Variants in KALRN observed in about 807,000 individuals in gnomAD.
The protein encoded by KALRN is kalirin RhoGEF kinase, also known as kalirin.
KALRN carries 70 observed loss-of-function variants against 353.7 expected under a neutral mutation model. The ratio of observed to expected loss-of-function variants is 0.20; its 90% confidence interval spans 0.16 to 0.24. KALRN has a LOEUF of 0.24. Among genes scored for constraint, KALRN ranks in the 10% least tolerant of loss-of-function variants. The pLI is 1.00. For synonymous variants in KALRN, 1,391 were observed against 1,434.8 expected, an observed-to-expected ratio of 0.97 and a Z score of 0.69; for missense variants, 2,791 against 3,756.7, an observed-to-expected ratio of 0.74 and a Z score of 6.72.
chr3:124,428,894 A>G (rs568618234), intron 15 of KALRN, among the ~76,000 whole-genome samples: 2 of 152,204 alleles, frequency 1.3e-5, no homozygotes, highest in Non-Finnish European at 2.9e-5. Context: ...ATTGTCCTAC[A>G]GACATTGATG....
At chr3:124,693,075 C>A (rs3772796) in intron 51 of KALRN, among the ~76,000 whole-genome samples, 51,813 of 152,092 alleles carry the variant, frequency 0.34, 9,767 homozygotes, top group Middle Eastern at 0.5. Flanking sequence ...CTTGAACCAG[C>A]CTTGTGACCA....
intron 3 of KALRN, among the ~76,000 whole-genome samples, chr3:124,236,927 G>A (rs1306708603): frequency 6.6e-6 from 1 of 152,232 alleles, no homozygotes; most frequent in East Asian, 1.9e-4. Context: ...CCTATTGCCA[G>A]TGGGAAGAAC....
Position 124,650,881 on chromosome 3 carries a change from C to G in KALRN, c.5738C>G (p.Pro1913Arg), listed in dbSNP as rs762353391. 1.2e-6 allele frequency: 2 copies of G among 1,614,180 alleles called. No homozygotes were observed. Among genetic ancestry groups the G allele is most frequent in the East Asian group, 4.5e-5 (2 of 44,882 alleles). Residue 1913 changes from proline to arginine, a missense_variant, in exon 38 of 60, where the codon CCC becomes CGC. This residue lies in a region of KALRN where 1,065 missense variants were observed against 1,156.4 expected (regional missense o/e 0.92). Coordinates refer to ENST00000682506, the MANE Select transcript of KALRN (RefSeq NM_001388419.1). Reference protein sequence around the residue: ...AGCLNEGMAPPTPPKNPEEEQ... With the variant: ...AGCLNEGMAPRTPPKNPEEEQ... ...TGCCTGAATGAGGGGATGGCCCCAC[C>G]CACACCTCCTAAAAACCCAGAAGAA...
At chr3:124,268,522 G>A (rs2148919887) in intron 4 of KALRN, 2 of 574,346 alleles carry the variant, frequency 3.5e-6, no homozygotes, top group South Asian at 2.2e-5. Context: ...ATGGCTGGCA[G>A]TTGTAGAGGC....
At chr3:124,674,711 A>T (rs1343289105) in intron 49 of KALRN, 97 bp downstream of exon 49, 2 of 1,271,346 alleles carry the variant, frequency 1.6e-6, no homozygotes, top group Non-Finnish European at 2.1e-6. Context: ...CATGGTAGGG[A>T]ATTACTACTG....
chr3:124,610,144 T>G (rs2077776509), intron 34 of KALRN, among the ~76,000 whole-genome samples: 1 of 152,212 alleles, frequency 6.6e-6, no homozygotes, highest in East Asian at 1.9e-4. Flanking sequence ...CCTGCCTTCA[T>G]GGAGCTTTTA....
chr3:124,688,325 A>AG (rs1486909733), intron 51 of KALRN, among the ~76,000 whole-genome samples: 1 of 151,672 alleles, frequency 6.6e-6, no homozygotes, highest in Admixed American at 6.6e-5. Flanking sequence ...AAAAAAAAAA[A>AG]AAAGAGCAGA....
At chr3:124,547,278 G>A (rs1043449162) in intron 33 of KALRN, among the ~76,000 whole-genome samples, 2 of 151,910 alleles carry the variant, frequency 1.3e-5, no homozygotes, top group Non-Finnish European at 2.9e-5. Flanking sequence ...GGGATTGTAG[G>A]TATAATCCAC....
chr3:124,351,746 A>G (rs1237206620), intron 10 of KALRN, among the ~76,000 whole-genome samples: 2 of 152,258 alleles, frequency 1.3e-5, no homozygotes, highest in Non-Finnish European at 2.9e-5. Context: ...TGAAGAATTT[A>G]TGTGGCAATC....
rs543452531 is a variant in KALRN, at chr3:124,439,476, C to T, written c.3198+439C>T. 3.3e-5 allele frequency among the ~76,000 whole-genome samples: 5 copies of T among 152,234 alleles called. No individual in the cohort carries two copies. The East Asian group carries it at 5.8e-4, about 18-fold the overall frequency. On this transcript the variant is annotated intron_variant, in intron 18 of 59. Coordinates refer to ENST00000682506, the MANE Select transcript of KALRN (RefSeq NM_001388419.1). ...TGTTGTTAACTGAGAAAAAGACATG[C>T]TTTCATTCAGTTGTGTTTGGCTAAT...
intron 1 of KALRN, among the ~76,000 whole-genome samples, chr3:124,037,652 G>T (rs899675574): frequency 6.6e-6 from 1 of 152,208 alleles, no homozygotes; most frequent in African/African-American, 2.4e-5. Context: ...CTGGAGGTGA[G>T]GGGGAGGAGC....
chr3:124,163,970 C>G (rs1350868175), intron 1 of KALRN: 16 of 985,338 alleles, frequency 1.6e-5, no homozygotes, highest in Non-Finnish European at 1.8e-5. Context: ...CTAACCTTTT[C>G]TGTGGTCATT....
intron 34 of KALRN, among the ~76,000 whole-genome samples, chr3:124,586,293 G>C (rs2075174898): frequency 1.3e-5 from 2 of 152,310 alleles, no homozygotes; most frequent in South Asian, 4.1e-4. Flanking sequence ...GGGTTCGCTC[G>C]AAGGCTGCCC....
intron 7 of KALRN, among the ~76,000 whole-genome samples, chr3:124,328,652 G>A (rs952864960): frequency 2.0e-5 from 3 of 152,190 alleles, no homozygotes; most frequent in African/African-American, 7.2e-5. Flanking sequence ...GTTACAAAAT[G>A]TACAGAATGA....
chr3:124,039,603 C>T (rs777479174), intron 1 of KALRN, among the ~76,000 whole-genome samples: 1 of 152,116 alleles, frequency 6.6e-6, no homozygotes, highest in Non-Finnish European at 1.5e-5. Flanking sequence ...AGGCAGGGAA[C>T]CTTAAACTAT....
At chr3:124,186,378 G>A (rs1227305137) in intron 1 of KALRN, among the ~76,000 whole-genome samples, 1 of 152,162 alleles carries the variant, frequency 6.6e-6, no homozygotes, top group African/African-American at 2.4e-5. Flanking sequence ...ATTCCCAAAT[G>A]TAAATAGGGT....
chr3:124,433,091 G>T (rs1168086802), intron 16 of KALRN, among the ~76,000 whole-genome samples: 4 of 152,154 alleles, frequency 2.6e-5, no homozygotes, highest in Admixed American at 6.5e-5. Context: ...ATTTCAAAGG[G>T]AGTGAAAGCA....
intron 9 of KALRN, 150 bp from the exon 10 acceptor site, chr3:124,346,993 C>T: frequency 9.1e-7 from 1 of 1,101,836 alleles, no homozygotes; most frequent in South Asian, 1.4e-5. Context: ...ATCCCATGGA[C>T]TCACAGCAGA....
chr3:124,458,674 G>A (rs1283252535), intron 23 of KALRN, among the ~76,000 whole-genome samples: 4 of 152,182 alleles, frequency 2.6e-5, no homozygotes, highest in Non-Finnish European at 4.4e-5. Context: ...AGTGGCTCAT[G>A]CCTGTAACTT....
Sources: allele counts gnomAD v4.1 joint callset (sites outside exome capture counted in the v4.1 genomes callset), GRCh38; gene constraint gnomAD v4.1.1; regional missense constraint gnomAD v4.1.1; transcripts MANE v1.5; gene names NCBI Gene and HGNC (gene_info 2026-07-23, HGNC 2026-07-21).